Variants in CTNNA2 observed in about 807,000 individuals in gnomAD.
CTNNA2 encodes catenin alpha-2.
Under a neutral mutation model 101.0 loss-of-function variants are expected in CTNNA2, and 42 were observed. The observed-to-expected ratio is 0.42, with a 90% confidence interval of 0.32 to 0.54. The LOEUF is 0.54. Ranked by LOEUF, CTNNA2 falls within the 20% of genes least tolerant of loss-of-function variation. The probability of loss-of-function intolerance (pLI) is 0.14; values close to 1 mark genes in which losing one functional copy is unlikely to be tolerated. For synonymous variants in CTNNA2, 450 were observed against 456.4 expected (o/e 0.99, Z 0.18); for missense variants, 871 against 1,223.1 (o/e 0.71, Z 4.29).
chr2:79,684,285 A>G (rs574994246), intron 2 of CTNNA2, among the ~76,000 whole-genome samples: 3 of 152,194 alleles, frequency 2.0e-5, no homozygotes, highest in Admixed American at 2.0e-4. Context: ...GATATTTTCT[A>G]TTCTATCTTC....
At chr2:79,768,378 C>T (rs1434074898) in intron 3 of CTNNA2, among the ~76,000 whole-genome samples, 1 of 150,856 alleles carries the variant, frequency 6.6e-6, no homozygotes, top group Non-Finnish European at 1.5e-5. Flanking sequence ...TTCAGTGATA[C>T]CGTGTTAAAA....
chr2:79,839,401 T>C, intron 3 of CTNNA2, among the ~76,000 whole-genome samples: 1 of 152,056 alleles, frequency 6.6e-6, no homozygotes, highest in East Asian at 1.9e-4. Flanking sequence ...TATGGACTTC[T>C]TTTTACTTAT....
At chr2:80,027,562 C>A (rs541436450) in intron 7 of CTNNA2, among the ~76,000 whole-genome samples, 1 of 152,126 alleles carries the variant, frequency 6.6e-6, no homozygotes, top group African/African-American at 2.4e-5. Flanking sequence ...TTACCAGCTC[C>A]GGCAAGAGAG....
At chr2:79,716,799 G>A (rs1686136456) in intron 2 of CTNNA2, among the ~76,000 whole-genome samples, 2 of 152,072 alleles carry the variant, frequency 1.3e-5, no homozygotes, top group African/African-American at 4.8e-5. Context: ...ATTTTAACAG[G>A]AGGTACCAAT....
At chr2:80,204,596 T>C (rs1707415013) in intron 7 of CTNNA2, among the ~76,000 whole-genome samples, 1 of 152,194 alleles carries the variant, frequency 6.6e-6, no homozygotes, top group Non-Finnish European at 1.5e-5. Context: ...ATTAGCATTT[T>C]TTGTCAAAGA....
At chr2:79,199,155 T>C (rs1674000423) in intron 2 of CTNNA2, among the ~76,000 whole-genome samples, 1 of 152,218 alleles carries the variant, frequency 6.6e-6, no homozygotes, top group Non-Finnish European at 1.5e-5. Flanking sequence ...AGGAACGGAA[T>C]GCAAAGTTTT....
chr2:80,529,487 T>G (rs569662564), intron 9 of CTNNA2, among the ~76,000 whole-genome samples: 1 of 152,240 alleles, frequency 6.6e-6, no homozygotes, highest in East Asian at 1.9e-4. Flanking sequence ...TTATTGCTTA[T>G]TTAACTAAGC....
At chr2:80,088,325 A>G (rs1252905944) in intron 7 of CTNNA2, among the ~76,000 whole-genome samples, 1 of 152,068 alleles carries the variant, frequency 6.6e-6, no homozygotes, top group Non-Finnish European at 1.5e-5. Context: ...CCATGTAGTT[A>G]TCTACATTTT....
At chr2:79,672,685 T>A (rs1462467957) in intron 2 of CTNNA2, among the ~76,000 whole-genome samples, 2 of 151,526 alleles carry the variant, frequency 1.3e-5, no homozygotes, top group African/African-American at 2.4e-5. Flanking sequence ...CCTAATATTT[T>A]CCGATGCAAC....
intron 7 of CTNNA2, chr2:80,298,168 A>T (rs1382522765): frequency 6.6e-6 from 1 of 151,990 alleles, no homozygotes; most frequent in East Asian, 1.9e-4. Flanking sequence ...TATTCTAGCT[A>T]ATTCCTTTTT....
At chr2:80,006,928 C>A (rs1693398076) in intron 7 of CTNNA2, among the ~76,000 whole-genome samples, 3 of 152,268 alleles carry the variant, frequency 2.0e-5, no homozygotes, top group South Asian at 4.2e-4. Context: ...CCTATGAAAT[C>A]TTACCGTTCT....
At chr2:79,752,207 A>C (rs970953940) in intron 3 of CTNNA2, among the ~76,000 whole-genome samples, 7 of 152,174 alleles carry the variant, frequency 4.6e-5, no homozygotes, top group Admixed American at 2.0e-4. Flanking sequence ...TTTTGGAAGA[A>C]AGAACAAACT....
chr2:79,547,814 A>T (rs1220629472), intron 1 of CTNNA2: 1 of 152,752 alleles, frequency 6.5e-6, no homozygotes, highest in African/African-American at 2.4e-5. Flanking sequence ...ACATATATAC[A>T]GTTTGTCTCC....
At position 79,324,656 on chromosome 2, in the gene CTNNA2, G is replaced by GC. The variant is rs540437432; in HGVS notation, c.-318+11865dup. Among the ~76,000 whole-genome samples, 1,384 of 152,098 alleles carry GC rather than the reference G, an allele frequency of 9.1e-3. 10 individuals carry two copies. Among genetic ancestry groups the GC allele is most frequent in the Non-Finnish European group, 0.014 (975 of 67,990 alleles). Reference sequence around the variant, plus strand: ...AGGAAACTGAGCATTTCTTTTCTATGCCCCCAGGAACTGTGGGCAGTCCCA... The same window carrying GC: ...AGGAAACTGAGCATTTCTTTTCTATGCCCCCCAGGAACTGTGGGCAGTCCCA... On this transcript the variant is annotated intron_variant, in intron 3 of 21. Coordinates refer to the CTNNA2 transcript ENST00000466387.
chr2:79,271,903 T>C (rs1011308595), intron 2 of CTNNA2, among the ~76,000 whole-genome samples: 1 of 152,060 alleles, frequency 6.6e-6, no homozygotes, highest in African/African-American at 2.4e-5. Flanking sequence ...TGAAAGCTTT[T>C]CCATGGAGCC....
chr2:80,596,349 G>A (rs1696976273), intron 15 of CTNNA2, among the ~76,000 whole-genome samples: 1 of 111,686 alleles, frequency 9.0e-6, no homozygotes, highest in Admixed American at 1.3e-4. Flanking sequence ...TCGCTCTGTT[G>A]CCAAGGCTGG....
chr2:79,958,789 T>C (rs191697330), intron 7 of CTNNA2, among the ~76,000 whole-genome samples: 3 of 151,986 alleles, frequency 2.0e-5, no homozygotes, highest in African/African-American at 4.8e-5. Flanking sequence ...TTTTTTCTTT[T>C]CATAAGATTG....
intron 4 of CTNNA2, among the ~76,000 whole-genome samples, chr2:79,380,015 G>A (rs1478172935): frequency 3.3e-5 from 5 of 152,128 alleles, no homozygotes; most frequent in Admixed American, 2.6e-4. Flanking sequence ...AGACAGTTCT[G>A]TTAATGTTGT....
intron 7 of CTNNA2, among the ~76,000 whole-genome samples, chr2:79,998,303 G>A (rs114478606): frequency 0.014 from 2,080 of 152,300 alleles, 43 homozygotes; most frequent in African/African-American, 0.041. Context: ...GAGATTTACA[G>A]TGTTATTTGG....
Sources: allele counts gnomAD v4.1 joint callset (sites outside exome capture counted in the v4.1 genomes callset), GRCh38; gene constraint gnomAD v4.1.1; transcripts MANE v1.5; gene names NCBI Gene and HGNC (gene_info 2026-07-23, HGNC 2026-07-21).